Variants in COL24A1 observed in about 807,000 individuals in gnomAD.
COL24A1 encodes collagen alpha-1(XXIV) chain.
In COL24A1, 224 loss-of-function variants were observed where a neutral mutation model predicts 253.9. The ratio of observed to expected loss-of-function variants is 0.88; its 90% CI spans 0.79 to 0.99. COL24A1 has a LOEUF of 0.99. COL24A1 is among the 50% of genes least tolerant of loss of function. The probability of loss-of-function intolerance (pLI) is 0.00; values close to 1 mark genes in which losing one functional copy is unlikely to be tolerated. For missense variants in COL24A1, 2,131 were observed against 2,068.5 expected (o/e 1.03, Z -0.59); for synonymous variants, 685 against 673.7 (o/e 1.02, Z -0.26).
intron 37 of COL24A1, among the ~76,000 whole-genome samples, chr1:85,851,001 GTA>G (rs139769173): frequency 0.15 from 21,530 of 138,910 alleles, 1,616 homozygotes; most frequent in South Asian, 0.18. Flanking sequence ...GTGTGTGTGT[GTA>G]TATATATATA....
At chr1:86,069,657 A>AAAAGAG (rs148125590) in intron 7 of COL24A1, among the ~76,000 whole-genome samples, 6 of 150,634 alleles carry the variant, frequency 4.0e-5, no homozygotes, top group African/African-American at 1.5e-4. Flanking sequence ...TGGCCCAGCA[A>AAAAGAG]AGAGAGAGAG....
chr1:85,772,063 T>C (rs1197944471), intron 53 of COL24A1, among the ~76,000 whole-genome samples: 1 of 147,284 alleles, frequency 6.8e-6, no homozygotes, highest in Non-Finnish European at 1.5e-5. Flanking sequence ...GGTTTTTTGT[T>C]CTTGCGATAG....
intron 38 of COL24A1, among the ~76,000 whole-genome samples, chr1:85,848,024 G>C (rs72952543): frequency 6.6e-6 from 1 of 151,956 alleles, no homozygotes; most frequent in Non-Finnish European, 1.5e-5. Flanking sequence ...CCAAATAACC[G>C]TTTTTTACTT....
intron 7 of COL24A1, among the ~76,000 whole-genome samples, chr1:86,069,369 G>T (rs1701705707): frequency 6.6e-6 from 1 of 152,292 alleles, no homozygotes; most frequent in East Asian, 1.9e-4. Context: ...GGACTCATCT[G>T]CCTGGGGAAA....
At chr1:85,798,722 G>A (rs1671087066) in intron 47 of COL24A1, among the ~76,000 whole-genome samples, 1 of 152,034 alleles carries the variant, frequency 6.6e-6, no homozygotes, top group Admixed American at 6.5e-5. Flanking sequence ...GATTTTCAAT[G>A]TTCCTTTAAG....
chr1:86,094,129 C>T (rs1391654989), intron 5 of COL24A1, among the ~76,000 whole-genome samples: 1 of 152,102 alleles, frequency 6.6e-6, no homozygotes, highest in South Asian at 2.1e-4. Flanking sequence ...CTCAGCAATC[C>T]CATTACTGGG....
chr1:85,983,887 G>C (rs1693479812), intron 20 of COL24A1, among the ~76,000 whole-genome samples: 1 of 151,684 alleles, frequency 6.6e-6, no homozygotes, highest in African/African-American at 2.4e-5. Flanking sequence ...AATCATCCCA[G>C]GATATTCTTT....
intron 24 of COL24A1, among the ~76,000 whole-genome samples, chr1:85,945,019 T>TTTTTTTTTTTG (rs1689179709): frequency 2.5e-4 from 18 of 73,362 alleles, no homozygotes; most frequent in South Asian, 1.4e-3. Flanking sequence ...TTTTTTTTTT[T>TTTTTTTTTTTG]TTTTTTTTTT....
chr1:86,114,209 T>C (rs1557680016), intron 4 of COL24A1, among the ~76,000 whole-genome samples: 1 of 152,002 alleles, frequency 6.6e-6, no homozygotes, highest in Non-Finnish European at 1.5e-5. Flanking sequence ...ACAAGTAAAA[T>C]AACTAGCCTT....
intron 59 of COL24A1, 104 bp downstream of exon 59, chr1:85,734,645 T>A: frequency 1.0e-6 from 1 of 988,870 alleles, no homozygotes; most frequent in Non-Finnish European, 1.6e-6. Flanking sequence ...CCCTTCTGTA[T>A]CTGCAGTTTG....
At chr1:86,114,567 C>A (rs956639265) in intron 4 of COL24A1, among the ~76,000 whole-genome samples, 2 of 151,684 alleles carry the variant, frequency 1.3e-5, no homozygotes, top group African/African-American at 4.8e-5. Context: ...TTTTTTAATG[C>A]AAAACAGCTA....
intron 3 of COL24A1, among the ~76,000 whole-genome samples, chr1:86,116,333 A>G (rs909576333): frequency 6.6e-6 from 1 of 152,228 alleles, no homozygotes; most frequent in Non-Finnish European, 1.5e-5. Flanking sequence ...CACCAGTAAC[A>G]AGCACTGTGA....
intron 55 of COL24A1, among the ~76,000 whole-genome samples, chr1:85,757,374 A>T (rs1666375630): frequency 6.6e-6 from 1 of 152,176 alleles, no homozygotes; most frequent in Non-Finnish European, 1.5e-5. Flanking sequence ...ACTGAAAAAA[A>T]GATGCTCACC....
At chr1:86,122,168 A>G (rs1381613650) in intron 3 of COL24A1, among the ~76,000 whole-genome samples, 1 of 135,980 alleles carries the variant, frequency 7.4e-6, no homozygotes, top group Non-Finnish European at 1.6e-5. Flanking sequence ...TATCCAATAG[A>G]TTATCGCTTT....
chr1:86,041,816 C>G (rs2101610866), intron 12 of COL24A1, among the ~76,000 whole-genome samples: 1 of 152,230 alleles, frequency 6.6e-6, no homozygotes, highest in South Asian at 2.1e-4. Flanking sequence ...TTAAAGGCTC[C>G]TGACCAATAA....
At chr1:85,772,326 T>A (rs949612281) in intron 53 of COL24A1, among the ~76,000 whole-genome samples, 58 of 151,610 alleles carry the variant, frequency 3.8e-4, no homozygotes, top group African/African-American at 1.3e-3. Context: ...GGAGAGGATG[T>A]GGAGAAATAG....
At chr1:85,780,933 AT>A (rs143379907) in intron 52 of COL24A1, among the ~76,000 whole-genome samples, 4,690 of 152,162 alleles carry the variant, frequency 0.031, 255 homozygotes, top group African/African-American at 0.11. Context: ...AGAAGAATTT[AT>A]TTTTATTGCT....
At position 86,016,658 on chromosome 1, in the gene COL24A1, T is replaced by C. The variant is rs186912290; in HGVS notation, c.2310+493A>G. ...TTATCTCAGAAGCTTATGTTCTATA[T>C]AGACTTTTAGAAAAGAAGGCCACTG... On this transcript the variant is annotated intron_variant, in intron 19 of 59. Transcript: ENST00000370571. Among the ~76,000 whole-genome samples the C allele has an allele frequency of 6.0e-3, 917 of 152,340 alleles. 6 individuals are homozygous for C. Among genetic ancestry groups the C allele is most frequent in the Middle Eastern group, 0.02 (6 of 294 alleles).
intron 37 of COL24A1, among the ~76,000 whole-genome samples, chr1:85,857,756 G>GTTTAAGCATTCAAC (rs1265455927): frequency 6.6e-6 from 1 of 152,166 alleles, no homozygotes; most frequent in African/African-American, 2.4e-5. Flanking sequence ...ATTAGATTAA[G>GTTTAAGCATTCAAC]TTTAAGCATT....
Sources: allele counts gnomAD v4.1 joint callset (sites outside exome capture counted in the v4.1 genomes callset), GRCh38; gene constraint gnomAD v4.1.1; transcripts MANE v1.5; gene names NCBI Gene and HGNC (gene_info 2026-07-23, HGNC 2026-07-21).